The following ARHGAP39 variants were observed in gnomAD, a reference collection of about 807,000 sequenced individuals.
ARHGAP39 encodes rho GTPase-activating protein 39.
Under a neutral mutation model 106.9 loss-of-function variants are expected in ARHGAP39, and 44 were observed. The ratio of observed to expected loss-of-function variants is 0.41; its 90% CI spans 0.32 to 0.53. The LOEUF (loss-of-function observed/expected upper bound fraction) is 0.53, where lower values mean the gene tolerates loss of function less well. ARHGAP39 is among the 20% of genes least tolerant of loss of function. ARHGAP39 has a pLI of 0.21. For synonymous variants in ARHGAP39, 768 were observed against 693.2 expected (o/e 1.11, Z -1.69); for missense variants, 1,496 against 1,577.3 (o/e 0.95, Z 0.87).
At chr8:144,553,428 G>A (rs901293184) in intron 4 of ARHGAP39, among the ~76,000 whole-genome samples, 5 of 152,204 alleles carry the variant, frequency 3.3e-5, no homozygotes, top group African/African-American at 9.7e-5. Flanking sequence ...CACAGAGCAC[G>A]CGCGTTTCAG....
At chr8:144,545,833 G>C (rs1244627279) in intron 5 of ARHGAP39, 23 bp from the exon 6 acceptor site, 1 of 1,471,866 alleles carries the variant, frequency 6.8e-7, no homozygotes, top group East Asian at 2.3e-5. Context: ...AATGCGGCTG[G>C]GCTGTTGGGG....
At chr8:144,564,531 G>C (rs1818320664) in intron 3 of ARHGAP39, among the ~76,000 whole-genome samples, 1 of 152,170 alleles carries the variant, frequency 6.6e-6, no homozygotes, top group South Asian at 2.1e-4. Context: ...TGACACAAAT[G>C]AAAGTAGTTG....
the ARHGAP39 span, among the ~76,000 whole-genome samples, chr8:144,692,748 CTTTTTTTTTTTTTTT>C: frequency 2.9e-5 from 2 of 69,050 alleles, no homozygotes; most frequent in Admixed American, 2.0e-4. Context: ...TTGTAAAATT[CTTTTTTTTTTTTTTT>C]TTTTTTTTTT....
chr8:144,637,479 G>A (rs766469024), intron 1 of ARHGAP39, among the ~76,000 whole-genome samples: 8 of 152,014 alleles, frequency 5.3e-5, no homozygotes, highest in Non-Finnish European at 7.4e-5. Flanking sequence ...GCATGGTGGC[G>A]GGTGCCTGTA....
intron 2 of ARHGAP39, among the ~76,000 whole-genome samples, chr8:144,603,158 GGT>G (rs759200369): frequency 4.4e-5 from 6 of 135,752 alleles, no homozygotes; most frequent in Non-Finnish European, 9.4e-5. Context: ...TGTGCGTGGA[GGT>G]GTGTGTGCGA....
At chr8:144,611,687 C>A (rs1290141845) in intron 1 of ARHGAP39, among the ~76,000 whole-genome samples, 2 of 152,106 alleles carry the variant, frequency 1.3e-5, no homozygotes, top group Admixed American at 1.3e-4. Context: ...TAACATTTAT[C>A]CTTCTTTTAC....
At chr8:144,567,569 C>G (rs1020210013) in intron 3 of ARHGAP39, among the ~76,000 whole-genome samples, 1 of 152,196 alleles carries the variant, frequency 6.6e-6, no homozygotes, top group African/African-American at 2.4e-5. Flanking sequence ...GTCAGGCTCG[C>G]CTGCAGTTAT....
chr8:144,545,758 C>T lies in ARHGAP39; in HGVS notation c.2012G>A (p.Ser671Asn). Residue 671 changes from serine to asparagine, a missense_variant, in exon 6 of 12, where the codon AGC (serine) becomes AAC (asparagine). This residue lies in a region of ARHGAP39 where 905 missense variants were observed against 816.4 expected (regional missense o/e 1.11). Transcript: ENST00000377307. Reference sequence around the variant, plus strand: ...GACGCAGCTGGAGCTGGGAACGCCGCTGCGGCTCTGCCGGCTGCTCTCGAA... The same window carrying T: ...GACGCAGCTGGAGCTGGGAACGCCGTTGCGGCTCTGCCGGCTGCTCTCGAA... ...AQFESSRQSR[S>N]GVPSSSCVFP... 1 of 1,605,478 alleles carries T rather than the reference C, an allele frequency of 6.2e-7. No individual in the cohort carries two copies. Among genetic ancestry groups the T allele is most frequent in the Non-Finnish European group, 8.5e-7 (1 of 1,176,546 alleles).
At position 144,547,370 on chromosome 8, in the gene ARHGAP39, C is replaced by T; in HGVS notation, c.1716G>A (p.Gln572=). 1.2e-6 allele frequency: 2 copies of T among 1,600,710 alleles called. No individual in the cohort carries two copies. The highest frequency in any genetic ancestry group is 1.3e-5 in the African/African-American group (1 of 74,962). Residue 572 remains glutamine (Q), a synonymous_variant, in exon 5 of 12, where the codon CAG becomes CAA. Coordinates refer to ENST00000377307, the MANE Select transcript of ARHGAP39 (RefSeq NM_025251.3). This position sits in a 1 kb window ranked among gnomAD's most constrained non-coding sequence, Gnocchi z 5.2. ...CCTGCTGGGAGTCCCAGCTGCTCCT[C>T]TGCTTCATGTGGAAGTGGGCCTGCT... ...EAQQAHFHMK[Q]RSSWDSQQDG... is the part of the protein sequence containing the mutation.
In ARHGAP39 at chr8:144,679,016, G is replaced by C. The variant is rs1822316932; in HGVS notation, c.-82+6670C>G. Among the ~76,000 whole-genome samples, 1 of 152,134 alleles carries C rather than the reference G, an allele frequency of 6.6e-6. No individual in the cohort carries two copies. Among genetic ancestry groups the C allele is most frequent in the African/African-American group, 2.4e-5 (1 of 41,460 alleles). On this transcript the variant is annotated intron_variant, in intron 1 of 11. Coordinates refer to ENST00000377307, the MANE Select transcript of ARHGAP39 (RefSeq NM_025251.3). The surrounding 1 kb of genome is among the most constrained non-coding windows in gnomAD (Gnocchi z 4.7). The stretch of plus-strand genomic sequence containing the variant: ...TGGAGCCGTACCACATGGCAGCTGA[G>C]AGGGGGACCCAGCACGCCAAAATTC...
At position 144,529,385 on chromosome 8, in the gene ARHGAP39, A is replaced by C. The variant is rs1419194404; in HGVS notation, c.*1037T>G. 2 of 152,556 alleles carry C rather than the reference A, an allele frequency of 1.3e-5. No individual in the cohort carries two copies. The highest frequency in any genetic ancestry group is 2.9e-5 in the Non-Finnish European group (2 of 68,274). 9.5% of individuals were successfully genotyped at this position (152,556 alleles called of 1,614,324 possible). A position where few individuals can be genotyped will look rare whatever the true frequency, so the allele number is the denominator to read the frequency against. ...TATATATAAAAACTGGGGAGAAATT[A>C]AGTTTTACAACAATTGGAACTCAAA... On this transcript the variant is annotated 3_prime_UTR_variant, in exon 12 of 12. Transcript: ENST00000377307.
intron 1 of ARHGAP39, among the ~76,000 whole-genome samples, chr8:144,648,913 A>G (rs1821509057): frequency 6.6e-6 from 1 of 152,038 alleles, no homozygotes; most frequent in Non-Finnish European, 1.5e-5. Context: ...ACAGACCTCA[A>G]ATTAACAACC....
intron 1 of ARHGAP39, among the ~76,000 whole-genome samples, chr8:144,628,031 C>T (rs1465283196): frequency 6.6e-6 from 1 of 152,240 alleles, no homozygotes; most frequent in Non-Finnish European, 1.5e-5. Context: ...AGGAGGCTGG[C>T]ACTGCCAGTC....
rs1314453926 is a variant in ARHGAP39 at position 144,671,824 on chromosome 8, T to C, written c.-82+13862A>G. 6.6e-6 allele frequency among the ~76,000 whole-genome samples: 1 copy of C among 152,216 alleles called. No homozygotes were observed. Among genetic ancestry groups the C allele is most frequent in the African/African-American group, 2.4e-5 (1 of 41,456 alleles). On this transcript the variant is annotated intron_variant, in intron 1 of 11. Coordinates refer to ENST00000377307, the MANE Select transcript of ARHGAP39 (RefSeq NM_025251.3). This position sits in a 1 kb window ranked among gnomAD's most constrained non-coding sequence, Gnocchi z 4.5. ...CCAGAGGCCTGGTCTGTCTCCTCCC[T>C]GTCGGGGGTATCTGACTGGCAAGTG... is the stretch of plus-strand genomic sequence containing the variant.
chr8:144,599,642 A>G (rs1471002113), intron 2 of ARHGAP39, among the ~76,000 whole-genome samples: 1 of 152,178 alleles, frequency 6.6e-6, no homozygotes, highest in Non-Finnish European at 1.5e-5. Flanking sequence ...AAATTATATC[A>G]GGAAGAATAA....
intron 5 of ARHGAP39, among the ~76,000 whole-genome samples, chr8:144,546,136 T>G (rs1817411510): frequency 6.6e-6 from 1 of 152,198 alleles, no homozygotes; most frequent in Non-Finnish European, 1.5e-5. Flanking sequence ...GACCTCATTC[T>G]GCCGCCCCCT....
chr8:144,682,276 G>T (rs1181887637), intron 1 of ARHGAP39, among the ~76,000 whole-genome samples: 4 of 132,472 alleles, frequency 3.0e-5, no homozygotes, highest in Non-Finnish European at 4.7e-5. Context: ...AAGGCCGGGC[G>T]CGGTGGCTCA....
intron 1 of ARHGAP39, among the ~76,000 whole-genome samples, chr8:144,651,898 T>C (rs1470835445): frequency 2.6e-5 from 4 of 151,912 alleles, no homozygotes; most frequent in Non-Finnish European, 5.9e-5. Flanking sequence ...TGGCAAACCC[T>C]TACACCATAT....
intron 2 of ARHGAP39, among the ~76,000 whole-genome samples, chr8:144,599,418 C>CTA (rs1819757392): frequency 6.6e-6 from 1 of 152,080 alleles, no homozygotes; most frequent in Non-Finnish European, 1.5e-5. Context: ...ATCATGATAC[C>CTA]ATTAGTGTAA....
Sources: gnomAD v4.1 joint callset for allele counts (sites outside exome capture counted in the v4.1 genomes callset) on GRCh38, gnomAD v4.1.1 for gene constraint, gnomAD v4.1.1 regional missense constraint, Gnocchi (gnomAD v3.1) non-coding constraint, MANE v1.5 for transcripts, NCBI Gene and HGNC (gene_info 2026-07-23, HGNC 2026-07-21) for gene names.